NPAS3: variants seen among roughly 807,000 people sequenced by gnomAD.
NPAS3 encodes the protein neuronal PAS domain protein 3, also known as neuronal PAS domain-containing protein 3.
NPAS3 carries 14 observed loss-of-function variants against 73.1 expected under a neutral mutation model. That is an observed-to-expected ratio of 0.19 (90% CI 0.13 to 0.30). The LOEUF (loss-of-function observed/expected upper bound fraction) is 0.30, where lower values mean the gene tolerates loss of function less well. NPAS3 is among the 10% of genes least tolerant of loss of function. The pLI, the probability that NPAS3 is intolerant of heterozygous loss-of-function variation, is 1.00. For missense variants in NPAS3, 1,096 were observed against 1,250.0 expected, an observed-to-expected ratio of 0.88 and a Z score of 1.86; for synonymous variants, 620 against 541.5, an observed-to-expected ratio of 1.14 and a Z score of -2.01.
chr14:33,637,764 A>C (rs2058564469), intron 5 of NPAS3, among the ~76,000 whole-genome samples: 1 of 152,112 alleles, frequency 6.6e-6, no homozygotes, highest in Non-Finnish European at 1.5e-5. Context: ...GCACAAAACA[A>C]GGTATCATTA....
intron 4 of NPAS3, among the ~76,000 whole-genome samples, chr14:33,420,894 G>T (rs1028966797): frequency 1.3e-5 from 2 of 151,886 alleles, no homozygotes; most frequent in Non-Finnish European, 2.9e-5. Flanking sequence ...TGATGTAAAT[G>T]CTGCAGTATT....
chr14:33,161,244 G>T (rs553710511), intron 2 of NPAS3, among the ~76,000 whole-genome samples: 1 of 152,290 alleles, frequency 6.6e-6, no homozygotes, highest in South Asian at 2.1e-4. Flanking sequence ...GTAGTATGGA[G>T]ATAAGGAGCA....
intron 4 of NPAS3, among the ~76,000 whole-genome samples, chr14:33,437,391 G>A (rs967956334): frequency 7.2e-5 from 11 of 152,092 alleles, no homozygotes; most frequent in Non-Finnish European, 1.2e-4. Flanking sequence ...ATATATCTGT[G>A]GCCATAGAGA....
chr14:33,232,311 C>A (rs552302705), intron 3 of NPAS3, among the ~76,000 whole-genome samples: 1 of 152,308 alleles, frequency 6.6e-6, no homozygotes, highest in African/African-American at 2.4e-5. Flanking sequence ...CACAACAGAG[C>A]TTGTTTCCTT....
At chr14:32,942,001 T>C (rs1431843541) in intron 1 of NPAS3, among the ~76,000 whole-genome samples, 1 of 152,246 alleles carries the variant, frequency 6.6e-6, no homozygotes, top group Non-Finnish European at 1.5e-5. Flanking sequence ...AGGAGGGGGC[T>C]GTTTTTCATA....
At chr14:33,114,271 A>G (rs1193865958) in intron 2 of NPAS3, among the ~76,000 whole-genome samples, 2 of 152,104 alleles carry the variant, frequency 1.3e-5, no homozygotes, top group Admixed American at 6.6e-5. Context: ...CCTGGCCTCA[A>G]TGATCCACCC....
chr14:33,552,350 A>T (rs773694780), intron 4 of NPAS3, among the ~76,000 whole-genome samples: 1 of 152,178 alleles, frequency 6.6e-6, no homozygotes, highest in Non-Finnish European at 1.5e-5. Flanking sequence ...GGTGACACTG[A>T]GCAATGTACT....
intron 3 of NPAS3, among the ~76,000 whole-genome samples, chr14:33,274,149 T>C (rs1158401157): frequency 2.6e-5 from 4 of 152,150 alleles, no homozygotes; most frequent in Non-Finnish European, 4.4e-5. Flanking sequence ...AACAGCAGGA[T>C]TGGTTACAGC....
intron 5 of NPAS3, among the ~76,000 whole-genome samples, chr14:33,659,174 C>T (rs1383422737): frequency 6.6e-6 from 1 of 152,194 alleles, no homozygotes; most frequent in Non-Finnish European, 1.5e-5. Context: ...TATACACTTA[C>T]ACTTAATATA....
intron 2 of NPAS3, among the ~76,000 whole-genome samples, chr14:33,068,696 G>A (rs1334002859): frequency 6.6e-6 from 1 of 152,214 alleles, no homozygotes; most frequent in East Asian, 1.9e-4. Context: ...GTGAGTCATT[G>A]TGGTTATAAT....
At chr14:33,753,475 C>T (rs1021026773) in intron 7 of NPAS3, among the ~76,000 whole-genome samples, 2 of 151,970 alleles carry the variant, frequency 1.3e-5, no homozygotes, top group African/African-American at 2.4e-5. Flanking sequence ...CTATAAATTC[C>T]ATCACTGATT....
intron 5 of NPAS3, among the ~76,000 whole-genome samples, chr14:33,580,332 T>C (rs1160409317): frequency 1.3e-5 from 2 of 152,106 alleles, no homozygotes; most frequent in Non-Finnish European, 2.9e-5. Flanking sequence ...ATCTCTAATA[T>C]GTTAGTAAAA....
At chr14:33,649,497 A>G (rs1032651002) in intron 5 of NPAS3, among the ~76,000 whole-genome samples, 2 of 152,190 alleles carry the variant, frequency 1.3e-5, no homozygotes, top group Non-Finnish European at 2.9e-5. Context: ...ATGTCACAAA[A>G]TGGACACTTA....
chr14:33,779,574 AC>A (rs559447448), intron 9 of NPAS3, among the ~76,000 whole-genome samples: 62 of 152,346 alleles, frequency 4.1e-4, no homozygotes, highest in African/African-American at 1.4e-3. Flanking sequence ...AGATTGTAAT[AC>A]TGCATTTTTA....
chr14:33,191,812 C>A lies in NPAS3; in HGVS notation c.141-23370C>A, dbSNP rs535414754. Among the ~76,000 whole-genome samples, 569 of 152,304 alleles carry A rather than the reference C, an allele frequency of 3.7e-3. 3 individuals carry two copies. The highest frequency in any genetic ancestry group is 0.013 in the African/African-American group (536 of 41,564). On this transcript the variant is annotated intron_variant, in intron 2 of 11. Coordinates refer to ENST00000356141, the Ensembl canonical transcript of NPAS3. ...GAGAGTGGCAGATGGCCACACAAAG[C>A]AACCATGTTATTTTATTTCCAAATT...
At chr14:33,388,851 G>A (rs2046883475) in intron 4 of NPAS3, among the ~76,000 whole-genome samples, 2 of 152,244 alleles carry the variant, frequency 1.3e-5, no homozygotes, top group Middle Eastern at 6.8e-3. Context: ...CTATTTCATA[G>A]GAGTGACACG....
At chr14:33,611,485 A>G (rs2057746687) in intron 5 of NPAS3, among the ~76,000 whole-genome samples, 1 of 152,126 alleles carries the variant, frequency 6.6e-6, no homozygotes, top group African/African-American at 2.4e-5. Flanking sequence ...AGGGGCAGTT[A>G]GGGGCAGTCT....
intron 4 of NPAS3, among the ~76,000 whole-genome samples, chr14:33,518,834 C>T (rs2053430397): frequency 6.6e-6 from 1 of 151,972 alleles, no homozygotes; most frequent in African/African-American, 2.4e-5. Context: ...GTTGTCCATG[C>T]ACTCTACCAC....
chr14:33,656,185 G>A (rs2059141221), intron 5 of NPAS3, among the ~76,000 whole-genome samples: 1 of 152,116 alleles, frequency 6.6e-6, no homozygotes, highest in African/African-American at 2.4e-5. Flanking sequence ...TAGTAGTTTG[G>A]GGACTTTCTT....
Sources: gnomAD v4.1 joint callset for allele counts (sites outside exome capture counted in the v4.1 genomes callset) on GRCh38, gnomAD v4.1.1 for gene constraint, MANE v1.5 for transcripts, NCBI Gene and HGNC (gene_info 2026-07-23, HGNC 2026-07-21) for gene names.